CACNA1C: variants seen among roughly 807,000 people sequenced by gnomAD.
CACNA1C encodes calcium voltage-gated channel subunit alpha1 C.
CACNA1C carries 30 observed loss-of-function variants against 229.0 expected under a neutral mutation model. The ratio of observed to expected loss-of-function variants is 0.13; its 90% CI spans 0.10 to 0.18. CACNA1C has a LOEUF of 0.18. Among genes scored for constraint, CACNA1C ranks in the 10% least tolerant of loss-of-function variants. CACNA1C has a pLI of 1.00. For missense variants in CACNA1C, 1,658 were observed against 2,845.0 expected, an observed-to-expected ratio of 0.58 and a Z score of 9.49; for synonymous variants, 1,114 against 1,132.5, an observed-to-expected ratio of 0.98 and a Z score of 0.33.
intron 1 of CACNA1C, among the ~76,000 whole-genome samples, chr12:1,974,725 A>C (rs2033753628): frequency 6.6e-6 from 1 of 152,174 alleles, no homozygotes; most frequent in Non-Finnish European, 1.5e-5. Context: ...ATATATAAGC[A>C]CCTGAATGAC....
chr12:2,071,168 C>CCTGCCTG lies in CACNA1C; in HGVS notation c.49+17558_49+17559insTGCCTGC, dbSNP rs1445282288. Among the ~76,000 whole-genome samples the CCTGCCTG allele has an allele frequency of 4.8e-4, 6 of 12,554 alleles. 1 individual carries two copies. Among genetic ancestry groups the CCTGCCTG allele is most frequent in the Non-Finnish European group, 1.0e-3 (6 of 5,846 alleles). The allele number at this position is 12,554 out of a possible 152,430, so 8.2% of individuals were successfully genotyped here. On this transcript the variant is annotated intron_variant, in intron 1 of 46. Coordinates refer to ENST00000399655, the MANE Select transcript of CACNA1C (RefSeq NM_000719.7). ...TCCCTCCCTCCCTCCCTCCCTCCCT[C>CCTGCCTG]CCTCCCTGCCTGCCTGCCTGCCTGC...
chr12:2,475,052 C>T (rs2099617636), intron 5 of CACNA1C, among the ~76,000 whole-genome samples: 1 of 152,120 alleles, frequency 6.6e-6, no homozygotes, highest in African/African-American at 2.4e-5. Flanking sequence ...GTAATCCCAG[C>T]ACTTTGGTGG....
intron 3 of CACNA1C, among the ~76,000 whole-genome samples, chr12:2,187,389 C>T (rs1010291812): frequency 2.6e-5 from 4 of 152,172 alleles, no homozygotes; most frequent in South Asian, 2.1e-4. Context: ...AAATCAGCAA[C>T]GGCCAGGAAA....
At chr12:2,541,593 C>T (rs1445795366) in intron 9 of CACNA1C, among the ~76,000 whole-genome samples, 1 of 152,136 alleles carries the variant, frequency 6.6e-6, no homozygotes, top group Admixed American at 6.5e-5. Context: ...CCAGCCACTG[C>T]CTGGGATGTC....
rs1600345147 is a variant in CACNA1C at position 2,566,675 on chromosome 12, G to A, written c.1669+93G>A. 6.3e-6 allele frequency: 7 copies of A among 1,116,552 alleles called. No homozygotes were observed. The highest frequency in any genetic ancestry group is 8.9e-6 in the Non-Finnish European group (7 of 787,472). The allele number at this position is 1,116,552 out of a possible 1,614,324, so 69.2% of individuals were successfully genotyped here. On this transcript the variant is annotated intron_variant, in intron 12 of 46. Coordinates refer to ENST00000399655, the MANE Select transcript of CACNA1C (RefSeq NM_000719.7). The surrounding 1 kb of genome is among the most constrained non-coding windows in gnomAD (Gnocchi z 4.0). ...CATAACCACAGGCAGAAGGTGGAGG[G>A]GAAAGCAGCCAATGGTCGGGGCTCT...
At chr12:2,489,220 G>A (rs1463674822) in intron 6 of CACNA1C, among the ~76,000 whole-genome samples, 5 of 152,086 alleles carry the variant, frequency 3.3e-5, no homozygotes, top group South Asian at 2.1e-4. Context: ...TTTTTGATGA[G>A]ATTTACATCA....
intron 1 of CACNA1C, among the ~76,000 whole-genome samples, chr12:1,975,212 A>G (rs1309069608): frequency 1.3e-5 from 2 of 152,132 alleles, no homozygotes; most frequent in Non-Finnish European, 2.9e-5. Context: ...AAAACCCTTT[A>G]TGTTTAAACA....
intron 3 of CACNA1C, among the ~76,000 whole-genome samples, chr12:2,136,965 AGCTGCTGG>A (rs1271663616): frequency 1.3e-5 from 2 of 151,340 alleles, no homozygotes; most frequent in Admixed American, 1.3e-4. Context: ...AGATCTTGGG[AGCTGCTGG>A]GCCTGCATTT....
intron 3 of CACNA1C, among the ~76,000 whole-genome samples, chr12:2,402,812 G>A (rs556268985): frequency 3.9e-5 from 6 of 152,214 alleles, no homozygotes; most frequent in Admixed American, 2.0e-4. Flanking sequence ...CTGTGCCACC[G>A]CCACCACCAC....
intron 1 of CACNA1C, chr12:1,993,504 T>C: frequency 1.5e-6 from 2 of 1,334,892 alleles, no homozygotes; most frequent in Non-Finnish European, 2.0e-6. Context: ...TATATGCAGC[T>C]TTATATAAGC....
chr12:2,128,128 A>G (rs1596573330), intron 3 of CACNA1C, among the ~76,000 whole-genome samples: 1 of 152,140 alleles, frequency 6.6e-6, no homozygotes, highest in Non-Finnish European at 1.5e-5. Context: ...CCTTTATTTC[A>G]GATAAGAAAG....
chr12:2,039,030 A>G (rs886735283), intron 1 of CACNA1C, among the ~76,000 whole-genome samples: 1 of 152,254 alleles, frequency 6.6e-6, no homozygotes, highest in Non-Finnish European at 1.5e-5. Context: ...AGTAAACACA[A>G]TGTCCATAGG....
intron 1 of CACNA1C, among the ~76,000 whole-genome samples, chr12:1,993,687 C>T (rs541553417): frequency 1.8e-4 from 27 of 150,700 alleles, no homozygotes; most frequent in African/African-American, 6.6e-4. Context: ...CTTAACCTAA[C>T]GTTGTAAATT....
At chr12:2,398,752 C>T (rs2098632588) in intron 3 of CACNA1C, among the ~76,000 whole-genome samples, 1 of 152,186 alleles carries the variant, frequency 6.6e-6, no homozygotes, top group Non-Finnish European at 1.5e-5. Context: ...ATGCCCAAGA[C>T]AGTTCCTGGT....
At position 2,632,340 on chromosome 12, in the gene CACNA1C, G is replaced by A. The variant is rs1207962207; in HGVS notation, c.3829-1957G>A. ...GTAGCTGGGGGTGTATGGGGAATAT[G>A]ATCGCCTGTAGCTGGGGGTGTATGC... On this transcript the variant is annotated intron_variant, in intron 29 of 46. Transcript: ENST00000399655. This position sits in a 1 kb window ranked among gnomAD's most constrained non-coding sequence, Gnocchi z 4.1. Among the ~76,000 whole-genome samples, 1 of 151,630 alleles carries A rather than the reference G, an allele frequency of 6.6e-6. No homozygotes were observed. The highest frequency in any genetic ancestry group is 1.5e-5 in the Non-Finnish European group (1 of 67,968).
chr12:2,688,499 C>T lies in CACNA1C; in HGVS notation c.5837C>T (p.Ala1946Val), dbSNP rs771888182. 1.2e-6 allele frequency: 2 copies of T among 1,613,896 alleles called. No homozygotes were observed. The highest frequency in any genetic ancestry group is 1.7e-6 in the Non-Finnish European group (2 of 1,179,878). The change falls in exon 46 of 47, where the codon GCC becomes GTC. Residue 1946 changes from alanine to valine, a missense_variant. Ala to Val is a moderately conservative substitution (Grantham distance 64, BLOSUM62 0). Transcript: ENST00000399655. ...SPLLQRSHSP[A>V]SFPRPFATPP... is the part of the protein sequence containing the mutation. ...CTCCTCCAGAGAAGCCATTCCCCTGCCTCATTCCCTAGGCCTTTTGCCACC... is the reference window on the plus strand; with the variant it reads ...CTCCTCCAGAGAAGCCATTCCCCTGTCTCATTCCCTAGGCCTTTTGCCACC...
At position 2,605,768 on chromosome 12, in the gene CACNA1C, C is replaced by T. The variant is rs373517122; in HGVS notation, c.3138C>T (p.Ile1046=). The T allele has an allele frequency of 4.3e-6, 7 of 1,612,528 alleles. No homozygotes were observed. In the East Asian group the frequency reaches 6.7e-5, roughly 15 times the overall value. The change falls in exon 24 of 47, where the codon ATC becomes ATT. Residue 1046 remains isoleucine, a synonymous_variant. Transcript: ENST00000399655. This position sits in a 1 kb window ranked among gnomAD's most constrained non-coding sequence, Gnocchi z 6.2. ...TGCTGCAGTTCATGTTTGCCTGCAT[C>T]GGGGTCCAGCTCTTCAAGGTAAAGT... ...TTLLQFMFAC[I]GVQLFKGKLY... is the part of the protein sequence containing the mutation.
intron 5 of CACNA1C, among the ~76,000 whole-genome samples, chr12:2,485,131 G>T (rs1363061234): frequency 2.0e-5 from 3 of 152,120 alleles, no homozygotes; most frequent in African/African-American, 4.8e-5. Flanking sequence ...GACCTGTGTA[G>T]TGCGACTTGG....
chr12:2,010,405 G>A (rs1029272606), intron 1 of CACNA1C, among the ~76,000 whole-genome samples: 2 of 152,140 alleles, frequency 1.3e-5, no homozygotes, highest in Non-Finnish European at 2.9e-5. Flanking sequence ...TACCAGGGGG[G>A]GCTTTTGCTA....
Sources: allele counts gnomAD v4.1 joint callset (sites outside exome capture counted in the v4.1 genomes callset), GRCh38; gene constraint gnomAD v4.1.1; non-coding constraint Gnocchi (gnomAD v3.1); transcripts MANE v1.5; gene names NCBI Gene and HGNC (gene_info 2026-07-23, HGNC 2026-07-21).